The following NCOR1 variants were observed in gnomAD, a reference collection of about 807,000 sequenced individuals.
NCOR1 encodes the protein nuclear receptor corepressor 1, also known as protein phosphatase 1, regulatory subunit 109.
Under a neutral mutation model 288.1 loss-of-function variants are expected in NCOR1, and 63 were observed. The observed-to-expected ratio is 0.22, with a 90% CI of 0.18 to 0.27. The LOEUF is 0.27. Ranked by LOEUF, NCOR1 falls within the 10% of genes least tolerant of loss-of-function variation. NCOR1 has a pLI of 1.00. For missense variants in NCOR1, 2,397 were observed against 3,019.2 expected, an observed-to-expected ratio of 0.79 and a Z score of 4.83; for synonymous variants, 1,007 against 1,065.9, an observed-to-expected ratio of 0.94 and a Z score of 1.08.
At chr17:16,156,008 T>A (rs578172844) in intron 6 of NCOR1, among the ~76,000 whole-genome samples, 1 of 152,176 alleles carries the variant, frequency 6.6e-6, no homozygotes, top group African/African-American at 2.4e-5. Context: ...AAAGAAAAGA[T>A]GAGGCCAGGC....
chr17:16,088,786 G>A (rs980150180), intron 22 of NCOR1, among the ~76,000 whole-genome samples: 2 of 152,048 alleles, frequency 1.3e-5, no homozygotes, highest in African/African-American at 2.4e-5. Context: ...AGGTCTACCA[G>A]CGATTTTTTT....
chr17:16,073,058 CT>C (rs1446492578), intron 28 of NCOR1, among the ~76,000 whole-genome samples: 2 of 152,236 alleles, frequency 1.3e-5, no homozygotes, highest in African/African-American at 4.8e-5. Context: ...CATTACACCA[CT>C]TTATCTGTCT....
chr17:16,073,575 G>C lies in NCOR1; in HGVS notation c.3671-6C>G. The stretch of plus-strand genomic sequence containing the variant: ...TTCTCGGGCATTCTTAATATCTACA[G>C]AATACACAAACAAGACTTGCTCAGA... On this transcript the variant is annotated splice_region_variant and splice_polypyrimidine_tract_variant and intron_variant, in intron 27 of 45. Coordinates refer to ENST00000268712, the MANE Select transcript of NCOR1 (RefSeq NM_006311.4). The C allele has an allele frequency of 6.3e-7, 1 of 1,594,492 alleles. No individual in the cohort carries two copies. Among genetic ancestry groups the C allele is most frequent in the Non-Finnish European group, 8.5e-7 (1 of 1,171,720 alleles).
chr17:16,121,394 A>AT, intron 15 of NCOR1, 125 bp from the exon 16 acceptor site: 1 of 774,982 alleles, frequency 1.3e-6, no homozygotes, highest in Non-Finnish European at 1.9e-6. Flanking sequence ...ACTCAAAAAA[A>AT]AAAAATTATC....
In NCOR1 at chr17:16,149,330, A is replaced by C. The variant is rs2078512787; in HGVS notation, c.909+121T>G. 1.5e-5 allele frequency: 5 copies of C among 336,130 alleles called. No individual in the cohort carries two copies. In the South Asian group the frequency reaches 3.7e-4, roughly 25 times the overall value. The allele number at this position is 336,130 out of a possible 1,614,324, so 20.8% of individuals were successfully genotyped here. On this transcript the variant is annotated intron_variant, in intron 9 of 45. Transcript: ENST00000268712. ...ATATATATATATGGTTACTTTCTAA[A>C]TCAGCACTTATCCTCAAATGGAGTC...
At chr17:16,064,254 G>A (rs1598083841) in intron 34 of NCOR1, 67 bp from the exon 35 acceptor site, 4 of 1,528,462 alleles carry the variant, frequency 2.6e-6, no homozygotes, top group South Asian at 1.2e-5. Flanking sequence ...AAACAATTCC[G>A]AAATTCTAAG....
Position 16,065,607 on chromosome 17 carries a change from C to T in NCOR1, c.4829G>A (p.Arg1610Lys), listed in dbSNP as rs2152678270. ...QYQLYAMENT[R>K]QTILNDYITS... ...AATGTAATCATTTAAGATTGTCTGTCTTGTGTTCTCCATTGCGTAAAGCTG... is the reference window on the plus strand; with the variant it reads ...AATGTAATCATTTAAGATTGTCTGTTTTGTGTTCTCCATTGCGTAAAGCTG... The change falls in exon 33 of 46, where the codon AGA becomes AAA. Residue 1610 changes from arginine (R) to lysine (K), a missense_variant. Arg to Lys is a conservative substitution (Grantham distance 26). Transcript: ENST00000268712. 2 of 1,614,192 alleles carry T rather than the reference C, an allele frequency of 1.2e-6. No homozygotes were observed. Among genetic ancestry groups the T allele is most frequent in the Non-Finnish European group, 1.7e-6 (2 of 1,180,038 alleles).
At chr17:16,035,103 C>G (rs1015980524) in intron 44 of NCOR1, among the ~76,000 whole-genome samples, 159 bp from the exon 45 acceptor site, 14 of 152,184 alleles carry the variant, frequency 9.2e-5, no homozygotes, top group Non-Finnish European at 1.8e-4. Context: ...AGGCATACCT[C>G]AGAGATACTG....
intron 21 of NCOR1, among the ~76,000 whole-genome samples, chr17:16,092,691 ATATAT>A (rs2065580006): frequency 9.2e-5 from 1 of 10,858 alleles, no homozygotes; most frequent in African/African-American, 3.1e-4. Flanking sequence ...ATATATATAT[ATATAT>A]TTTTTTTTTT....
chr17:16,085,321 G>A (rs997635769), intron 23 of NCOR1, among the ~76,000 whole-genome samples: 1 of 152,184 alleles, frequency 6.6e-6, no homozygotes, highest in Non-Finnish European at 1.5e-5. Context: ...GCATAAAATT[G>A]TAGAACCATT....
chr17:16,110,544 T>C (rs1017773027), intron 18 of NCOR1, among the ~76,000 whole-genome samples: 1 of 152,170 alleles, frequency 6.6e-6, no homozygotes, highest in African/African-American at 2.4e-5. Flanking sequence ...TATAACTTCA[T>C]GTTACTAAAT....
At chr17:16,119,376 T>TA (rs777246029) in intron 17 of NCOR1, 47 bp downstream of exon 17, 14 of 1,453,732 alleles carry the variant, frequency 9.6e-6, no homozygotes, top group East Asian at 6.8e-5. Flanking sequence ...CTAATAACCC[T>TA]AAAAAACAAA....
At chr17:16,159,098 C>A (rs2080295825) in intron 5 of NCOR1, among the ~76,000 whole-genome samples, 2 of 149,294 alleles carry the variant, frequency 1.3e-5, no homozygotes, top group African/African-American at 2.5e-5. Flanking sequence ...AAAAAAAAAA[C>A]TAAGAGGAAG....
intron 15 of NCOR1, among the ~76,000 whole-genome samples, chr17:16,123,219 T>G (rs934687717): frequency 3.9e-5 from 6 of 152,212 alleles, no homozygotes; most frequent in Admixed American, 3.3e-4. Flanking sequence ...ATGTTCATCA[T>G]CATTCAGGTT....
chr17:16,177,900 T>A (rs966251095), intron 3 of NCOR1, among the ~76,000 whole-genome samples: 25 of 152,214 alleles, frequency 1.6e-4, no homozygotes, highest in South Asian at 2.1e-4. Context: ...TGCTTTTTTT[T>A]AATTTTCTTT....
At chr17:16,210,756 GTC>G (rs2092039729) in intron 1 of NCOR1, among the ~76,000 whole-genome samples, 1 of 148,320 alleles carries the variant, frequency 6.7e-6, no homozygotes, top group African/African-American at 2.5e-5. Context: ...TTGAGGCAGA[GTC>G]TCACTCAGTC....
rs1381866313 is a variant in NCOR1 at position 16,101,751 on chromosome 17, G to C, written c.2189C>G (p.Ala730Gly). The C allele has an allele frequency of 6.2e-7, 1 of 1,614,192 alleles. No individual in the cohort carries two copies. The highest frequency in any genetic ancestry group is 1.7e-5 in the Admixed American group (1 of 60,020). Residue 730 changes from alanine to glycine, a missense_variant, in exon 20 of 46, where the codon GCT becomes GGT. This residue lies in a region of NCOR1 where 1,872 missense variants were observed against 2,187.8 expected (regional missense o/e 0.86). Coordinates refer to ENST00000268712, the MANE Select transcript of NCOR1 (RefSeq NM_006311.4). ...AGGACTGTCCTCGCTGGGCTTGACA[G>C]CTTCAACTGGTGAAGGAGAAGGAGC... ...EENPEDSEVEAVKPSEDSPEN... is the reference protein window; with the variant it reads ...EENPEDSEVEGVKPSEDSPEN...
At chr17:16,187,224 T>C (rs2086847520) in intron 2 of NCOR1, among the ~76,000 whole-genome samples, 1 of 151,410 alleles carries the variant, frequency 6.6e-6, no homozygotes, top group South Asian at 2.1e-4. Flanking sequence ...GGCAAAAACT[T>C]CTTTTCCAAA....
At chr17:16,083,381 T>G (rs2063705306) in intron 23 of NCOR1, among the ~76,000 whole-genome samples, 1 of 151,726 alleles carries the variant, frequency 6.6e-6, no homozygotes, top group South Asian at 2.1e-4. Flanking sequence ...AAAACAAAAT[T>G]TAAAGGAATC....
Sources: allele counts gnomAD v4.1 joint callset (sites outside exome capture counted in the v4.1 genomes callset), GRCh38; gene constraint gnomAD v4.1.1; regional missense constraint gnomAD v4.1.1; transcripts MANE v1.5; gene names NCBI Gene and HGNC (gene_info 2026-07-23, HGNC 2026-07-21).